The following TRIO variants were observed in gnomAD, a reference collection of about 807,000 sequenced individuals.
TRIO encodes trio Rho guanine nucleotide exchange factor, also known as triple functional domain protein.
A neutral mutation model predicts 351.9 loss-of-function variants in TRIO; 58 were observed. That is an observed-to-expected ratio of 0.16 (90% CI 0.13 to 0.21). TRIO has a LOEUF of 0.21. Among genes scored for constraint, TRIO ranks in the 10% least tolerant of loss-of-function variants. The pLI is 1.00. For missense variants in TRIO, 3,201 were observed against 4,027.8 expected (o/e 0.79, Z 5.56); for synonymous variants, 1,758 against 1,595.7 (o/e 1.10, Z -2.42).
chr5:14,480,098 G>C (rs1171278163), intron 43 of TRIO, 87 bp downstream of exon 43: 1 of 1,245,464 alleles, frequency 8.0e-7, no homozygotes, highest in Non-Finnish European at 1.2e-6. Context: ...GATTTGGTAG[G>C]ACAGGGGAAT....
intron 1 of TRIO, among the ~76,000 whole-genome samples, chr5:14,263,096 A>C (rs1350231696): frequency 1.3e-5 from 2 of 152,136 alleles, no homozygotes; most frequent in African/African-American, 2.4e-5. Flanking sequence ...CTTCGCACAG[A>C]TCTTTTATTT....
At chr5:14,177,254 CT>C (rs149702639) in intron 1 of TRIO, among the ~76,000 whole-genome samples, 3,904 of 152,194 alleles carry the variant, frequency 0.026, 163 homozygotes, top group African/African-American at 0.09. Context: ...TTAAGTTTTG[CT>C]TTTAGTGGCT....
At chr5:14,402,268 A>C (rs1748133097) in intron 31 of TRIO, among the ~76,000 whole-genome samples, 1 of 152,232 alleles carries the variant, frequency 6.6e-6, no homozygotes, top group Non-Finnish European at 1.5e-5. Flanking sequence ...TGCTTCCAAA[A>C]AATAGTGACA....
intron 1 of TRIO, among the ~76,000 whole-genome samples, chr5:14,154,408 G>A (rs535696821): frequency 1.9e-4 from 29 of 152,094 alleles, no homozygotes; most frequent in Non-Finnish European, 3.8e-4. Context: ...AATGGTTGTG[G>A]TCACTCCTGG....
At chr5:14,488,927 T>C (rs765143692) in intron 48 of TRIO, 1 of 762,850 alleles carries the variant, frequency 1.3e-6, no homozygotes, top group Non-Finnish European at 2.4e-6. Context: ...CTGGCCTCGT[T>C]TGGCCCATCA....
intron 34 of TRIO, among the ~76,000 whole-genome samples, chr5:14,457,647 G>A (rs1753458455): frequency 6.6e-6 from 1 of 152,136 alleles, no homozygotes; most frequent in Admixed American, 6.5e-5. Context: ...AACGCCAGCT[G>A]GGTGCCACAA....
chr5:14,497,770 T>C lies in TRIO; in HGVS notation c.8020-77T>C. On this transcript the variant is annotated intron_variant, in intron 50 of 56. Coordinates refer to ENST00000344204, the MANE Select transcript of TRIO (RefSeq NM_007118.4). The surrounding 1 kb of genome is among the most constrained non-coding windows in gnomAD (Gnocchi z 4.4). ...GTTTCTGCAAATCTTTCAACAATAA[T>C]TGTAGCCCTGGAATGAAAGGAATAC... The C allele has an allele frequency of 1.3e-6, 2 of 1,578,054 alleles. No individual in the cohort carries two copies. The highest frequency in any genetic ancestry group is 8.7e-7 in the Non-Finnish European group (1 of 1,147,834).
chr5:14,498,473 G>A (rs377497483), intron 52 of TRIO, 46 bp from the exon 53 acceptor site: 24 of 1,596,266 alleles, frequency 1.5e-5, no homozygotes, highest in African/African-American at 9.4e-5. Flanking sequence ...TGATGGCCAC[G>A]TGCTCAGCTT....
At chr5:14,405,181 C>T (rs1372094628) in intron 31 of TRIO, among the ~76,000 whole-genome samples, 1 of 151,744 alleles carries the variant, frequency 6.6e-6, no homozygotes, top group East Asian at 1.9e-4. Flanking sequence ...TCTCAGAGGA[C>T]ATTTCTTGAG....
chr5:14,380,215 G>T (rs154152), intron 20 of TRIO, among the ~76,000 whole-genome samples: 127,074 of 152,040 alleles, frequency 0.84, 53,261 homozygotes, highest in Middle Eastern at 0.85. Context: ...CTTGTCTTAC[G>T]TGTTGTTAGA....
At chr5:14,311,377 C>A (rs1416040963) in intron 8 of TRIO, among the ~76,000 whole-genome samples, 1 of 152,164 alleles carries the variant, frequency 6.6e-6, no homozygotes, top group East Asian at 1.9e-4. Context: ...AAATAGAAAT[C>A]ATCATTTGGA....
intron 1 of TRIO, among the ~76,000 whole-genome samples, chr5:14,258,195 A>G (rs1176051734): frequency 6.6e-6 from 1 of 152,238 alleles, no homozygotes; most frequent in Non-Finnish European, 1.5e-5. Context: ...CTGTCCCCAC[A>G]GCGAGCGTGC....
intron 8 of TRIO, among the ~76,000 whole-genome samples, chr5:14,312,305 A>G (rs929540863): frequency 6.6e-6 from 1 of 152,252 alleles, no homozygotes; most frequent in African/African-American, 2.4e-5. Context: ...TAGTTATACT[A>G]CCTTTTAAAT....
At chr5:14,316,417 T>C (rs1286380626) in intron 8 of TRIO, 96 bp from the exon 9 acceptor site, 8 of 1,218,136 alleles carry the variant, frequency 6.6e-6, no homozygotes, top group African/African-American at 1.5e-5. Flanking sequence ...CGTGTGTGCC[T>C]GTATGTGCAC....
rs565677092 is a variant in TRIO at position 14,342,428 on chromosome 5, G to T, written c.2046+5701G>T. Among the ~76,000 whole-genome samples, 12 of 152,312 alleles carry T rather than the reference G, an allele frequency of 7.9e-5. No homozygotes were observed. The South Asian group carries it at 2.5e-3, about 32-fold the overall frequency. ...ACAGTGCTCATTGTGTAGACTAGCT[G>T]CCCTCCGATGGGTGCTCTGATTATC... On this transcript the variant is annotated intron_variant, in intron 11 of 56. Transcript: ENST00000344204.
chr5:14,171,369 A>C (rs567133248), intron 1 of TRIO, among the ~76,000 whole-genome samples: 1 of 152,356 alleles, frequency 6.6e-6, no homozygotes, highest in African/African-American at 2.4e-5. Context: ...AAACTGCAGG[A>C]ATGTAAATCT....
chr5:14,284,057 A>G (rs900570083), intron 3 of TRIO, among the ~76,000 whole-genome samples: 70 of 152,264 alleles, frequency 4.6e-4, no homozygotes, highest in Non-Finnish European at 7.8e-4. Context: ...CTTGTTGTCC[A>G]CTAATGAAAT....
chr5:14,159,352 C>T (rs1016971833), intron 1 of TRIO, among the ~76,000 whole-genome samples: 5 of 150,066 alleles, frequency 3.3e-5, no homozygotes, highest in African/African-American at 1.2e-4. Flanking sequence ...AGAGACTTTG[C>T]TTCCCTGTAG....
chr5:14,320,301 G>A (rs887036234), intron 9 of TRIO, among the ~76,000 whole-genome samples: 1 of 152,208 alleles, frequency 6.6e-6, no homozygotes, highest in African/African-American at 2.4e-5. Flanking sequence ...CAGATGGGTA[G>A]TAGTAGTCCA....
Sources: allele counts gnomAD v4.1 joint callset (sites outside exome capture counted in the v4.1 genomes callset), GRCh38; gene constraint gnomAD v4.1.1; non-coding constraint Gnocchi (gnomAD v3.1); transcripts MANE v1.5; gene names NCBI Gene and HGNC (gene_info 2026-07-23, HGNC 2026-07-21).